RNF150: variants seen among roughly 807,000 people sequenced by gnomAD.
RNF150 encodes ring finger protein 150.
In RNF150, 24 loss-of-function variants were observed where a neutral mutation model predicts 39.3. That is an observed-to-expected ratio of 0.61 (90% confidence interval 0.44 to 0.86). RNF150 has a LOEUF of 0.86. Among genes scored for constraint, RNF150 ranks in the 40% least tolerant of loss-of-function variants. RNF150 has a pLI of 0.00. For missense variants in RNF150, 502 were observed against 587.8 expected, an observed-to-expected ratio of 0.85 and a Z score of 1.51; for synonymous variants, 255 against 227.3, an observed-to-expected ratio of 1.12 and a Z score of -1.10.
At chr4:141,045,746 G>A (rs1345153042) in intron 1 of RNF150, among the ~76,000 whole-genome samples, 1 of 151,972 alleles carries the variant, frequency 6.6e-6, no homozygotes, top group Non-Finnish European at 1.5e-5. Flanking sequence ...GTTTCACCAT[G>A]TTGGCCAGGC....
intron 1 of RNF150, among the ~76,000 whole-genome samples, chr4:141,131,993 G>C (rs1470111681): frequency 6.6e-6 from 1 of 152,020 alleles, no homozygotes; most frequent in African/African-American, 2.4e-5. Context: ...GTGCTGGGCC[G>C]GTCACTAACC....
At chr4:140,962,500 A>G (rs1733081463) in intron 2 of RNF150, among the ~76,000 whole-genome samples, 1 of 151,842 alleles carries the variant, frequency 6.6e-6, no homozygotes, top group Non-Finnish European at 1.5e-5. Flanking sequence ...ACACACATAT[A>G]TATATATAAA....
At chr4:140,875,994 C>G (rs1729140526) in intron 6 of RNF150, among the ~76,000 whole-genome samples, 1 of 152,152 alleles carries the variant, frequency 6.6e-6, no homozygotes, top group Non-Finnish European at 1.5e-5. Flanking sequence ...AATAAGTGCT[C>G]TCTGTTTTGA....
intron 1 of RNF150, among the ~76,000 whole-genome samples, chr4:141,185,389 G>A (rs1341949806): frequency 6.6e-6 from 1 of 152,136 alleles, no homozygotes; most frequent in African/African-American, 2.4e-5. Flanking sequence ...TGTATCCTGA[G>A]ACTTTGCTAA....
intron 1 of RNF150, among the ~76,000 whole-genome samples, chr4:141,150,065 G>A (rs893511560): frequency 3.3e-5 from 5 of 152,174 alleles, no homozygotes; most frequent in African/African-American, 1.2e-4. Flanking sequence ...AATTATCACT[G>A]AAGAGGGGTC....
chr4:141,109,122 A>G (rs952577554), intron 1 of RNF150, among the ~76,000 whole-genome samples: 2 of 152,220 alleles, frequency 1.3e-5, no homozygotes. Context: ...TACAATAAGT[A>G]AGAAATAACT....
At chr4:141,046,567 G>A (rs570688948) in intron 1 of RNF150, among the ~76,000 whole-genome samples, 16 of 152,140 alleles carry the variant, frequency 1.1e-4, no homozygotes, top group Non-Finnish European at 1.6e-4. Flanking sequence ...GAAGCATGGC[G>A]TATGAGGAGT....
At chr4:140,963,793 A>G (rs772221985) in intron 2 of RNF150, among the ~76,000 whole-genome samples, 28 of 152,192 alleles carry the variant, frequency 1.8e-4, no homozygotes, top group Admixed American at 3.3e-4. Flanking sequence ...GAGAAAACTT[A>G]GACTATGGCC....
At chr4:141,158,298 A>T (rs1177632549) in intron 1 of RNF150, among the ~76,000 whole-genome samples, 1 of 152,132 alleles carries the variant, frequency 6.6e-6, no homozygotes, top group African/African-American at 2.4e-5. Flanking sequence ...CCAAAAACAA[A>T]AACAAAAACA....
At chr4:141,137,324 T>G (rs562992626), upstream of RNF150, among the ~76,000 whole-genome samples, 21 of 152,314 alleles carry the variant, frequency 1.4e-4, no homozygotes, top group South Asian at 4.1e-3. Flanking sequence ...TGGGAGCAAG[T>G]AGAGCAATTA....
At chr4:140,907,612 C>T (rs888348594) in intron 6 of RNF150, among the ~76,000 whole-genome samples, 1 of 152,280 alleles carries the variant, frequency 6.6e-6, no homozygotes, top group South Asian at 2.1e-4. Flanking sequence ...AATTTTTGAT[C>T]TTTTAAGAGA....
At chr4:141,211,742 A>T (rs1728469920) in intron 1 of RNF150, among the ~76,000 whole-genome samples, 2 of 151,980 alleles carry the variant, frequency 1.3e-5, no homozygotes, top group African/African-American at 4.8e-5. Flanking sequence ...TAAAACTCAC[A>T]TTCCATATTC....
chr4:141,118,013 A>G (rs999938710), intron 1 of RNF150, among the ~76,000 whole-genome samples: 1 of 152,218 alleles, frequency 6.6e-6, no homozygotes, highest in Non-Finnish European at 1.5e-5. Flanking sequence ...TGCAGAGCTC[A>G]ATGGCTATTT....
At chr4:140,910,048 T>G (rs1730532883) in intron 6 of RNF150, among the ~76,000 whole-genome samples, 1 of 152,190 alleles carries the variant, frequency 6.6e-6, no homozygotes, top group Admixed American at 6.5e-5. Context: ...GGGCCCTCAG[T>G]GATTTTTTTC....
chr4:141,076,374 T>C (rs963360282), intron 1 of RNF150, among the ~76,000 whole-genome samples: 8 of 152,166 alleles, frequency 5.3e-5, no homozygotes, highest in African/African-American at 1.9e-4. Context: ...TCATCCTCTC[T>C]GAAAACAGTT....
chr4:140,931,878 T>G (rs970740634), intron 4 of RNF150, among the ~76,000 whole-genome samples: 1 of 152,246 alleles, frequency 6.6e-6, no homozygotes, highest in Non-Finnish European at 1.5e-5. Flanking sequence ...CAAGCTAATC[T>G]AATTTCCACA....
intron 1 of RNF150, among the ~76,000 whole-genome samples, chr4:141,045,414 G>A (rs951621729): frequency 5.3e-5 from 8 of 152,148 alleles, no homozygotes; most frequent in Non-Finnish European, 7.3e-5. Context: ...GCATTTATAA[G>A]TAAGGTCCCT....
At chr4:140,956,298 A>G (rs900641601) in intron 2 of RNF150, among the ~76,000 whole-genome samples, 18 of 152,106 alleles carry the variant, frequency 1.2e-4, no homozygotes, top group African/African-American at 3.6e-4. Flanking sequence ...CAGGGTTTTC[A>G]TAAGTATGGT....
intron 1 of RNF150, among the ~76,000 whole-genome samples, chr4:141,153,546 A>C (rs1727335192): frequency 6.6e-6 from 1 of 152,164 alleles, no homozygotes; most frequent in South Asian, 2.1e-4. Flanking sequence ...CTGTTGTCTA[A>C]AGACACCCAG....
Sources: allele counts gnomAD v4.1 joint callset (sites outside exome capture counted in the v4.1 genomes callset), GRCh38; gene constraint gnomAD v4.1.1; transcripts MANE v1.5; gene names NCBI Gene and HGNC (gene_info 2026-07-23, HGNC 2026-07-21).